Variants in PAPPA observed in about 807,000 individuals in gnomAD.
PAPPA encodes the protein pappalysin-1.
In PAPPA, 60 loss-of-function variants were observed where a neutral mutation model predicts 164.0. The observed-to-expected ratio is 0.37, with a 90% CI of 0.30 to 0.45. The LOEUF (loss-of-function observed/expected upper bound fraction) is 0.45. Among genes scored for constraint, PAPPA ranks in the 20% least tolerant of loss-of-function variants. The pLI, the probability that PAPPA is intolerant of heterozygous loss-of-function variation, is 1.00. For missense variants in PAPPA, 1,782 were observed against 2,087.3 expected (o/e 0.85, Z 2.85); for synonymous variants, 875 against 814.1 (o/e 1.07, Z -1.27).
chr9:116,389,653 A>ATTTC (rs140850431), intron 21 of PAPPA, among the ~76,000 whole-genome samples: 489 of 151,978 alleles, frequency 3.2e-3, no homozygotes, highest in African/African-American at 0.01. Context: ...GTCACTGGCA[A>ATTTC]TTTCTTTGGC....
chr9:116,273,328 C>T (rs994701687), intron 9 of PAPPA, among the ~76,000 whole-genome samples: 1 of 152,150 alleles, frequency 6.6e-6, no homozygotes, highest in Non-Finnish European at 1.5e-5. Context: ...AGCCAGCCTG[C>T]CCCCTGTAAT....
chr9:116,202,961 G>A (rs1298831763), intron 2 of PAPPA, among the ~76,000 whole-genome samples: 2 of 152,120 alleles, frequency 1.3e-5, no homozygotes, highest in African/African-American at 2.4e-5. Context: ...GGAAGACATT[G>A]ATCTATTTCA....
At chr9:116,230,384 A>G (rs1844575238) in intron 6 of PAPPA, among the ~76,000 whole-genome samples, 1 of 152,176 alleles carries the variant, frequency 6.6e-6, no homozygotes. Context: ...GCAATGCCAG[A>G]CATATCTGTA....
intron 8 of PAPPA, among the ~76,000 whole-genome samples, chr9:116,267,690 G>C (rs1190505353): frequency 2.6e-5 from 4 of 151,760 alleles, no homozygotes; most frequent in Non-Finnish European, 5.9e-5. Context: ...TGGCTAACAA[G>C]GTGAAACCCC....
chr9:116,282,490 T>G (rs1211911078), intron 9 of PAPPA, among the ~76,000 whole-genome samples: 1 of 152,246 alleles, frequency 6.6e-6, no homozygotes, highest in Admixed American at 6.5e-5. Context: ...ATTAATTTAA[T>G]TAAATTAATT....
At chr9:116,157,074 G>A (rs1310006748) in intron 1 of PAPPA, among the ~76,000 whole-genome samples, 1 of 152,250 alleles carries the variant, frequency 6.6e-6, no homozygotes, top group African/African-American at 2.4e-5. Flanking sequence ...TTCAGGCAGA[G>A]AGTTGCTGTC....
chr9:116,210,402 G>A (rs1046141297), intron 3 of PAPPA, among the ~76,000 whole-genome samples: 5 of 152,100 alleles, frequency 3.3e-5, no homozygotes, highest in African/African-American at 9.7e-5. Flanking sequence ...TTCAGTCTAA[G>A]ATAAAACCCT....
intron 19 of PAPPA, among the ~76,000 whole-genome samples, chr9:116,374,994 C>G (rs939688086): frequency 6.6e-6 from 1 of 152,254 alleles, no homozygotes; most frequent in South Asian, 2.1e-4. Flanking sequence ...CCACGCTTCA[C>G]CCTGGAAGGA....
At chr9:116,233,434 C>T (rs1844622245) in intron 6 of PAPPA, among the ~76,000 whole-genome samples, 1 of 152,220 alleles carries the variant, frequency 6.6e-6, no homozygotes. Flanking sequence ...AGAAAGGCTT[C>T]AGCTAGGTGG....
At position 116,265,868 on chromosome 9, in the gene PAPPA, T is replaced by A; in HGVS notation, c.2744T>A (p.Leu915His). ...NRKFVDMDLN[L>H]GSVYQYWVIT... ...TTTGTATTTTCCAGGGATCTAAATC[T>A]TGGCAGTGTGTACCAGTATTGGGTC... is the stretch of plus-strand genomic sequence containing the variant. The change falls in exon 8 of 22, where the codon CTT becomes CAT. Residue 915 changes from leucine (L) to histidine (H), a missense_variant. Leu to His is a moderately conservative substitution (Grantham distance 99). Coordinates refer to ENST00000328252, the MANE Select transcript of PAPPA (RefSeq NM_002581.5). The A allele has an allele frequency of 6.2e-7, 1 of 1,601,416 alleles. No homozygotes were observed. The highest frequency in any genetic ancestry group is 1.1e-5 in the South Asian group (1 of 90,344).
intron 1 of PAPPA, among the ~76,000 whole-genome samples, chr9:116,174,174 C>T (rs570361500): frequency 7.2e-5 from 11 of 152,324 alleles, no homozygotes; most frequent in African/African-American, 2.6e-4. Context: ...ACCTGGCACA[C>T]AGTAATCACT....
chr9:116,289,121 C>CATATAT (rs200604980), intron 9 of PAPPA, among the ~76,000 whole-genome samples: 5 of 17,888 alleles, frequency 2.8e-4, no homozygotes, highest in African/African-American at 9.9e-4. Flanking sequence ...TATGCATATA[C>CATATAT]ATATATATAT....
At chr9:116,289,310 T>A (rs188166205) in intron 9 of PAPPA, among the ~76,000 whole-genome samples, 68 of 143,118 alleles carry the variant, frequency 4.8e-4, no homozygotes, top group Middle Eastern at 3.7e-3. Context: ...ATAGCATATA[T>A]ATGGCATATA....
intron 20 of PAPPA, among the ~76,000 whole-genome samples, chr9:116,381,500 C>T (rs149621053): frequency 0.012 from 1,901 of 152,292 alleles, 20 homozygotes; most frequent in Non-Finnish European, 0.021. Context: ...CTGGGGAATC[C>T]AAGAGACTCC....
chr9:116,393,801 CAG>C (rs1826988227), intron 21 of PAPPA, among the ~76,000 whole-genome samples: 1 of 152,072 alleles, frequency 6.6e-6, no homozygotes, highest in African/African-American at 2.4e-5. Flanking sequence ...AGTAGGAAAA[CAG>C]AGTATCTGGG....
Position 116,210,880 on chromosome 9 carries a change from G to A in PAPPA, c.1625-759G>A, listed in dbSNP as rs530006147. On this transcript the variant is annotated intron_variant, in intron 3 of 21. Transcript: ENST00000328252. ...TCAAGTGATGTACTTGATGTATGGA[G>A]GTGCTATTCTAGTTCTCACACTAGA... Among the ~76,000 whole-genome samples the A allele has an allele frequency of 4.6e-5, 7 of 152,172 alleles. No homozygotes were observed. In the South Asian group the frequency reaches 1.5e-3, roughly 32 times the overall value.
At chr9:116,220,482 T>C (rs1487074171) in intron 5 of PAPPA, among the ~76,000 whole-genome samples, 1 of 148,408 alleles carries the variant, frequency 6.7e-6, no homozygotes, top group Non-Finnish European at 1.5e-5. Flanking sequence ...ATTTATATTA[T>C]ATTATATATT....
chr9:116,220,427 T>A (rs2118706261), intron 5 of PAPPA, among the ~76,000 whole-genome samples: 1 of 151,118 alleles, frequency 6.6e-6, no homozygotes. Context: ...GAGGTAATAG[T>A]CTCATCTCCA....
intron 17 of PAPPA, 21 bp from the exon 18 acceptor site, chr9:116,362,571 C>A: frequency 1.9e-6 from 3 of 1,609,122 alleles, no homozygotes; most frequent in Non-Finnish European, 2.5e-6. Context: ...TTGGTCCTAA[C>A]TCTGTTTCTC....
Sources: gnomAD v4.1 joint callset for allele counts (sites outside exome capture counted in the v4.1 genomes callset) on GRCh38, gnomAD v4.1.1 for gene constraint, MANE v1.5 for transcripts, NCBI Gene and HGNC (gene_info 2026-07-23, HGNC 2026-07-21) for gene names.